Variants in TENM3 observed in about 807,000 individuals in gnomAD.
TENM3 encodes the protein teneurin transmembrane protein 3.
TENM3 carries 63 observed loss-of-function variants against 255.1 expected under a neutral mutation model. The observed-to-expected ratio is 0.25, with a 90% CI of 0.20 to 0.30. The LOEUF (loss-of-function observed/expected upper bound fraction) is 0.30. Ranked by LOEUF, TENM3 falls within the 10% of genes least tolerant of loss-of-function variation. The pLI, the probability that TENM3 is intolerant of heterozygous loss-of-function variation, is 1.00. For synonymous variants in TENM3, 1,306 were observed against 1,322.3 expected, an observed-to-expected ratio of 0.99 and a Z score of 0.27; for missense variants, 2,929 against 3,461.1, an observed-to-expected ratio of 0.85 and a Z score of 3.86.
the TENM3 span, among the ~76,000 whole-genome samples, chr4:181,660,444 C>A: frequency 6.6e-6 from 1 of 152,098 alleles, no homozygotes; most frequent in African/African-American, 2.4e-5. Flanking sequence ...CCACTGAGAG[C>A]TTTTCTATGA....
In TENM3 at chr4:182,789,321, G is replaced by C. The variant is rs749252997; in HGVS notation, c.5533G>C (p.Gly1845Arg). The C allele has an allele frequency of 1.9e-6, 3 of 1,613,840 alleles. No individual in the cohort carries two copies. The highest frequency in any genetic ancestry group is 1.1e-5 in the South Asian group (1 of 91,002). ...CACTAGCGAGAAAGTAGATTATGACGGACAGGGGAGGATCGTGTCTCGGGT... is the reference window on the plus strand; with the variant it reads ...CACTAGCGAGAAAGTAGATTATGACCGACAGGGGAGGATCGTGTCTCGGGT... ...GTTSEKVDYDGQGRIVSRVFA... is the reference protein window; with the variant it reads ...GTTSEKVDYDRQGRIVSRVFA... The change falls in exon 25 of 28, where the codon GGA becomes CGA. Residue 1845 changes from glycine to arginine, a missense_variant. Around this residue, in one of 6 missense-constraint regions of TENM3, gnomAD observed 303 missense variants for 425.2 expected, o/e 0.71. Coordinates refer to ENST00000511685, the MANE Select transcript of TENM3 (RefSeq NM_001080477.4). The surrounding 1 kb of genome is among the most constrained non-coding windows in gnomAD (Gnocchi z 4.4).
At chr4:181,465,450 T>A in the TENM3 span, among the ~76,000 whole-genome samples, 1 of 152,216 alleles carries the variant, frequency 6.6e-6, no homozygotes, top group Non-Finnish European at 1.5e-5. Flanking sequence ...AGAAATTACC[T>A]TTGTGTTGAT....
chr4:182,435,268 A>G (rs1771961961), intron 3 of TENM3, among the ~76,000 whole-genome samples: 1 of 152,150 alleles, frequency 6.6e-6, no homozygotes, highest in Non-Finnish European at 1.5e-5. Flanking sequence ...CTTCAACTGT[A>G]TTGCTTCAGA....
At chr4:182,731,901 A>C (rs1257268288) in intron 16 of TENM3, among the ~76,000 whole-genome samples, 16 of 150,390 alleles carry the variant, frequency 1.1e-4, no homozygotes, top group Admixed American at 4.0e-4. Context: ...CCCGCCTCAG[A>C]CTCCTGAGTA....
In TENM3 at chr4:182,159,269, G is replaced by A. The variant is rs538241422; in HGVS notation, c.-76+14515G>A. Among the ~76,000 whole-genome samples, 7 of 152,284 alleles carry A rather than the reference G, an allele frequency of 4.6e-5. No individual in the cohort carries two copies. The South Asian group carries it at 1.0e-3, about 23-fold the overall frequency. ...CATTATGGTTTTGTGGAGGGTGTTG[G>A]AATTGAATTTGGAGACTGAAGTTGA... On this transcript the variant is annotated intron_variant, in intron 1 of 2. Coordinates refer to the TENM3 transcript ENST00000512480.
At chr4:182,461,301 T>G (rs546213994) in intron 3 of TENM3, among the ~76,000 whole-genome samples, 2 of 152,282 alleles carry the variant, frequency 1.3e-5, no homozygotes, top group South Asian at 4.1e-4. Flanking sequence ...TATGGACAAG[T>G]GACAGGAGAA....
chr4:182,185,592 G>A (rs534731942), intron 1 of TENM3, among the ~76,000 whole-genome samples: 1 of 152,188 alleles, frequency 6.6e-6, no homozygotes, highest in Non-Finnish European at 1.5e-5. Context: ...CAGAGAGTGC[G>A]TCAGTTACAA....
chr4:182,574,915 C>G (rs1271620026), intron 3 of TENM3, among the ~76,000 whole-genome samples: 1 of 152,162 alleles, frequency 6.6e-6, no homozygotes, highest in Admixed American at 6.6e-5. Context: ...TTACATCTGG[C>G]TGTCTTTACC....
At chr4:181,544,562 C>A in the TENM3 span, among the ~76,000 whole-genome samples, 1 of 152,148 alleles carries the variant, frequency 6.6e-6, no homozygotes, top group Non-Finnish European at 1.5e-5. Context: ...CTGCCCCCTG[C>A]CGCTGTCAGT....
At chr4:182,242,965 T>C (rs2150074472), upstream of TENM3, among the ~76,000 whole-genome samples, 1 of 152,318 alleles carries the variant, frequency 6.6e-6, no homozygotes, top group Non-Finnish European at 1.5e-5. Context: ...TCACTAGGTT[T>C]CTGACTTGCA....
At chr4:182,563,497 C>A (rs889467179) in intron 3 of TENM3, among the ~76,000 whole-genome samples, 2 of 150,422 alleles carry the variant, frequency 1.3e-5, no homozygotes, top group Non-Finnish European at 3.0e-5. Context: ...TGATATAATT[C>A]ACTTGATATA....
chr4:182,456,189 T>C (rs1016399093), intron 3 of TENM3, among the ~76,000 whole-genome samples: 6 of 152,216 alleles, frequency 3.9e-5, no homozygotes, highest in African/African-American at 1.4e-4. Flanking sequence ...ATGGCTTACA[T>C]AGGAGCTGAT....
chr4:182,205,410 C>G (rs1252386447), intron 1 of TENM3, among the ~76,000 whole-genome samples: 1 of 152,230 alleles, frequency 6.6e-6, no homozygotes, highest in African/African-American at 2.4e-5. Context: ...GTCTTCAGGC[C>G]CACCTCTCCC....
the TENM3 span, among the ~76,000 whole-genome samples, chr4:181,808,821 G>A: frequency 6.6e-6 from 1 of 152,150 alleles, no homozygotes; most frequent in African/African-American, 2.4e-5. Flanking sequence ...CACACAAGGA[G>A]GTATACTTGC....
At chr4:182,485,263 A>G (rs749726535) in intron 3 of TENM3, among the ~76,000 whole-genome samples, 6 of 152,176 alleles carry the variant, frequency 3.9e-5, no homozygotes, top group Non-Finnish European at 8.8e-5. Flanking sequence ...AACTGCTGAT[A>G]CTGGAGTTGT....
At chr4:182,456,206 G>A (rs973815922) in intron 3 of TENM3, among the ~76,000 whole-genome samples, 2 of 152,168 alleles carry the variant, frequency 1.3e-5, no homozygotes, top group Non-Finnish European at 2.9e-5. Context: ...TGATAAGGCT[G>A]AGTATCCCTG....
chr4:181,995,279 G>A, the TENM3 span, among the ~76,000 whole-genome samples: 1 of 151,768 alleles, frequency 6.6e-6, no homozygotes, highest in Non-Finnish European at 1.5e-5. Flanking sequence ...GACAGAGGGA[G>A]GCTCTGTCTC....
Position 182,724,449 on chromosome 4 carries a change from T to C in TENM3, c.2369-4516T>C, listed in dbSNP as rs112040360. ...TCCGTCACTTGCTTGGGCAAGTTAC[T>C]GATAAACTCTGCAGAAGAATAACAA... On this transcript the variant is annotated intron_variant, in intron 13 of 27. Transcript: ENST00000511685. Among the ~76,000 whole-genome samples, 1,057 of 152,362 alleles carry C rather than the reference T, an allele frequency of 6.9e-3. 16 individuals carry two copies. Among genetic ancestry groups the C allele is most frequent in the African/African-American group, 0.024 (993 of 41,584 alleles).
chr4:182,704,044 G>A (rs972437736), intron 12 of TENM3, among the ~76,000 whole-genome samples: 1 of 151,386 alleles, frequency 6.6e-6, no homozygotes, highest in African/African-American at 2.4e-5. Flanking sequence ...TTTAATTAAT[G>A]TTAAGAGCTG....
Sources: gnomAD v4.1 joint callset for allele counts (sites outside exome capture counted in the v4.1 genomes callset) on GRCh38, gnomAD v4.1.1 for gene constraint, gnomAD v4.1.1 regional missense constraint, Gnocchi (gnomAD v3.1) non-coding constraint, MANE v1.5 for transcripts, NCBI Gene and HGNC (gene_info 2026-07-23, HGNC 2026-07-21) for gene names.